The following GSDMC variants were observed in gnomAD, a reference collection of about 807,000 sequenced individuals.
GSDMC encodes the protein gasdermin C.
In GSDMC, 59 loss-of-function variants were observed where a neutral mutation model predicts 58.0. The ratio of observed to expected loss-of-function variants is 1.02; its 90% CI spans 0.82 to 1.26. The LOEUF is 1.26. Among genes scored for constraint, GSDMC ranks in the 50% most tolerant of loss-of-function variants. GSDMC has a pLI of 0.00. For synonymous variants in GSDMC, 241 were observed against 220.2 expected, an observed-to-expected ratio of 1.09 and a Z score of -0.83; for missense variants, 659 against 598.5, an observed-to-expected ratio of 1.10 and a Z score of -1.06.
chr8:129,777,073 A>G (rs2034257683), intron 2 of GSDMC, among the ~76,000 whole-genome samples: 1 of 152,080 alleles, frequency 6.6e-6, no homozygotes, highest in African/African-American at 2.4e-5. Flanking sequence ...CCCAGCCCCC[A>G]GGTACATAAC....
chr8:129,774,705 T>C, intron 3 of GSDMC, among the ~76,000 whole-genome samples: 1 of 152,086 alleles, frequency 6.6e-6, no homozygotes, highest in Non-Finnish European at 1.5e-5. Context: ...AAGGAACTCA[T>C]ACGGCTAAAT....
rs2034285005 is a variant in GSDMC, at chr8:129,777,724, T to C, written c.-4-133A>G. ...GCAGGTCTTTACTTAAAATAGTGAC[T>C]AGATTATAACTTTCTCAACTTTGAG... On this transcript the variant is annotated intron_variant, in intron 1 of 13. Coordinates refer to ENST00000276708, the MANE Select transcript of GSDMC (RefSeq NM_031415.3). The C allele has an allele frequency of 2.8e-5, 18 of 633,638 alleles. No homozygotes were observed. In the South Asian group the frequency reaches 3.4e-4, roughly 12 times the overall value. The allele number at this position is 633,638 out of a possible 1,614,324, so 39.3% of individuals were successfully genotyped here.
chr8:129,717,925 G>T, the GSDMC span, among the ~76,000 whole-genome samples: 1 of 152,172 alleles, frequency 6.6e-6, no homozygotes, highest in Non-Finnish European at 1.5e-5. Context: ...AATAGGGAAA[G>T]AATCCTCTAT....
At chr8:129,733,334 C>T in the GSDMC span, among the ~76,000 whole-genome samples, 4 of 152,240 alleles carry the variant, frequency 2.6e-5, no homozygotes, top group African/African-American at 7.2e-5. Context: ...GGTGCATGAG[C>T]TCTGAGAATG....
intron 1 of GSDMC, among the ~76,000 whole-genome samples, chr8:129,780,255 A>G (rs1287755417): frequency 6.6e-6 from 1 of 152,230 alleles, no homozygotes; most frequent in Non-Finnish European, 1.5e-5. Context: ...CCAAAGCTAG[A>G]GTAAGATACC....
At chr8:129,725,598 G>A in the GSDMC span, among the ~76,000 whole-genome samples, 5 of 152,082 alleles carry the variant, frequency 3.3e-5, no homozygotes, top group Non-Finnish European at 7.3e-5. Context: ...TTGCTTTTGA[G>A]TCTCGCCACG....
chr8:129,716,449 A>T, the GSDMC span, among the ~76,000 whole-genome samples: 88 of 152,006 alleles, frequency 5.8e-4, no homozygotes, highest in Non-Finnish European at 1.2e-3. Context: ...AATGCTTGTG[A>T]TTTTTGCACA....
chr8:129,739,535 A>T, the GSDMC span, among the ~76,000 whole-genome samples: 1 of 152,176 alleles, frequency 6.6e-6, no homozygotes, highest in Non-Finnish European at 1.5e-5. Flanking sequence ...CATTTCTGAC[A>T]ATGACAGGCC....
intron 4 of GSDMC, 37 bp downstream of exon 4, chr8:129,765,591 T>G (rs2033826708): frequency 6.5e-7 from 1 of 1,539,178 alleles, no homozygotes; most frequent in Admixed American, 1.7e-5. Context: ...GGCTGTATTT[T>G]TTTGAATTTC....
intron 5 of GSDMC, 123 bp from the exon 6 acceptor site, chr8:129,760,712 CTG>C: frequency 3.4e-6 from 2 of 593,308 alleles, no homozygotes; most frequent in Non-Finnish European, 6.1e-6. Flanking sequence ...TGGCCTCACT[CTG>C]TGCCTTCTGA....
intron 6 of GSDMC, among the ~76,000 whole-genome samples, chr8:129,757,021 AC>A (rs2033467901): frequency 6.6e-6 from 1 of 152,048 alleles, no homozygotes; most frequent in African/African-American, 2.4e-5. Flanking sequence ...ATCAAACCAA[AC>A]CCACAATTAG....
intron 13 of GSDMC, 67 bp from the exon 14 acceptor site, chr8:129,748,807 A>T: frequency 9.0e-6 from 12 of 1,327,276 alleles, no homozygotes; most frequent in Non-Finnish European, 1.1e-5. Flanking sequence ...CTTCTGCCCC[A>T]GTATCCAGGG....
the GSDMC span, among the ~76,000 whole-genome samples, chr8:129,708,700 C>A: frequency 9.2e-5 from 14 of 152,270 alleles, no homozygotes; most frequent in Admixed American, 3.3e-4. Flanking sequence ...ACAGGGCCCA[C>A]TCCTGGACTT....
At chr8:129,712,693 G>A in the GSDMC span, among the ~76,000 whole-genome samples, 2 of 152,212 alleles carry the variant, frequency 1.3e-5, no homozygotes, top group South Asian at 2.1e-4. Flanking sequence ...GGGAGAGATA[G>A]GTGGCTGGGA....
At chr8:129,712,364 G>T in the GSDMC span, among the ~76,000 whole-genome samples, 2 of 152,154 alleles carry the variant, frequency 1.3e-5, no homozygotes, top group African/African-American at 4.8e-5. Context: ...TAAACATTTC[G>T]TGCATGGGCC....
the GSDMC span, chr8:129,730,290 C>A: frequency 7.3e-7 from 1 of 1,369,132 alleles, no homozygotes; most frequent in Admixed American, 2.3e-5. Context: ...ATATAATTTT[C>A]CACAGAACCA....
At chr8:129,770,384 T>TA (rs1260894040) in intron 3 of GSDMC, among the ~76,000 whole-genome samples, 1 of 152,166 alleles carries the variant, frequency 6.6e-6, no homozygotes, top group Admixed American at 6.5e-5. Flanking sequence ...TAGTCCCATG[T>TA]ACTTGGGAGG....
chr8:129,783,040 A>C (rs550444724), intron 1 of GSDMC, among the ~76,000 whole-genome samples: 2 of 152,316 alleles, frequency 1.3e-5, no homozygotes, highest in South Asian at 4.1e-4. Context: ...CAGGGATGCA[A>C]GGATGGTACA....
At chr8:129,729,378 G>T in the GSDMC span, 1 of 409,792 alleles carries the variant, frequency 2.4e-6, no homozygotes, top group Non-Finnish European at 4.5e-6. Context: ...TATTACATAT[G>T]CAGACATGTG....
Sources: allele counts gnomAD v4.1 joint callset (sites outside exome capture counted in the v4.1 genomes callset), GRCh38; gene constraint gnomAD v4.1.1; transcripts MANE v1.5; gene names NCBI Gene and HGNC (gene_info 2026-07-23, HGNC 2026-07-21).